Variants in GATB observed in about 807,000 individuals in gnomAD.
GATB encodes the protein glutamyl-tRNA(Gln) amidotransferase subunit B, mitochondrial.
Under a neutral mutation model 62.3 loss-of-function variants are expected in GATB, and 39 were observed. The observed-to-expected ratio is 0.63, with a 90% CI of 0.48 to 0.82. GATB has a LOEUF of 0.82. Ranked by LOEUF, GATB falls within the 40% of genes least tolerant of loss-of-function variation. GATB has a pLI of 0.00. For missense variants in GATB, 670 were observed against 684.0 expected (o/e 0.98, Z 0.23); for synonymous variants, 276 against 258.9 (o/e 1.07, Z -0.63).
Position 151,751,569 on chromosome 4 carries a change from A to G in GATB, c.327+7203T>C, listed in dbSNP as rs562442557. ...AGGTTACTTTTTTCTTGCTTTACCA[A>G]TTTAGAACATGACTTCCAATTATGG... On this transcript the variant is annotated intron_variant, in intron 2 of 12. Coordinates refer to ENST00000263985, the MANE Select transcript of GATB (RefSeq NM_004564.3). Among the ~76,000 whole-genome samples, 8 of 152,318 alleles carry G rather than the reference A, an allele frequency of 5.3e-5. No individual in the cohort carries two copies. The East Asian group carries it at 1.5e-3, about 29-fold the overall frequency.
intron 2 of GATB, chr4:151,720,214 A>G (rs1739000662): frequency 6.6e-6 from 1 of 152,214 alleles, no homozygotes; most frequent in Non-Finnish European, 1.5e-5. Flanking sequence ...TGACCAAGAA[A>G]TGGCTGGCAC....
chr4:151,697,965 A>ATATATATATGTG (rs1738515770), intron 9 of GATB, among the ~76,000 whole-genome samples: 3 of 109,018 alleles, frequency 2.8e-5, no homozygotes, highest in South Asian at 4.3e-4. Context: ...ATATATATAT[A>ATATATATATGTG]TATATATATA....
intron 9 of GATB, among the ~76,000 whole-genome samples, chr4:151,697,977 A>ATATATATATATATGTG (rs1738520112): frequency 7.6e-6 from 1 of 131,878 alleles, no homozygotes; most frequent in African/African-American, 3.2e-5. Context: ...ATATATATAT[A>ATATATATATATATGTG]TATATATATA....
At position 151,732,923 on chromosome 4, in the gene GATB, G is replaced by A. The variant is rs144016601; in HGVS notation, c.328-13385C>T. ...TTTGGACACACTTTTATAACTGAAT[G>A]ACAATAATGACACAACCTATCAAAA... On this transcript the variant is annotated intron_variant, in intron 2 of 12. Coordinates refer to ENST00000263985, the MANE Select transcript of GATB (RefSeq NM_004564.3). Among the ~76,000 whole-genome samples the A allele has an allele frequency of 4.4e-3, 661 of 151,924 alleles. 4 individuals are homozygous for A. The highest frequency in any genetic ancestry group is 0.01 in the Middle Eastern group (3 of 294).
In GATB at chr4:151,701,315, C is replaced by T. The variant is rs373396406; in HGVS notation, c.1197+14G>A. 1.1e-4 allele frequency: 171 copies of T among 1,493,440 alleles called. 1 individual carries two copies. The highest frequency in any genetic ancestry group is 3.7e-4 in the East Asian group (15 of 40,606). The allele number at this position is 1,493,440 out of a possible 1,614,324, so 92.5% of individuals were successfully genotyped here. A position where few individuals can be genotyped will look rare whatever the true frequency, so the allele number is the denominator to read the frequency against. On this transcript the variant is annotated intron_variant, in intron 9 of 12. Transcript: ENST00000263985. ...GCTGAGCCGGGATCCTCTTGGCATC[C>T]GATCGATACCTACCAGCAAAGTGAA...
intron 9 of GATB, among the ~76,000 whole-genome samples, chr4:151,699,655 G>A (rs535278997): frequency 4.9e-4 from 74 of 152,276 alleles, no homozygotes; most frequent in Admixed American, 1.2e-3. Flanking sequence ...ACGGCCGAGA[G>A]TGACAATCCT....
At chr4:151,701,136 G>A (rs968437557) in intron 9 of GATB, among the ~76,000 whole-genome samples, 193 bp downstream of exon 9, 1 of 152,176 alleles carries the variant, frequency 6.6e-6, no homozygotes, top group Non-Finnish European at 1.5e-5. Flanking sequence ...CTGGTTGTAT[G>A]AAGAGCATTT....
chr4:151,704,047 C>A, intron 7 of GATB, 152 bp from the exon 8 acceptor site: 4 of 531,608 alleles, frequency 7.5e-6, no homozygotes, highest in Non-Finnish European at 1.0e-5. Context: ...ATTCAAAAAA[C>A]AATCATAAAG....
At position 151,688,693 on chromosome 4, in the gene GATB, G is replaced by A; in HGVS notation, c.1268C>T (p.Thr423Ile). Residue 423 changes from threonine to isoleucine, a missense_variant, in exon 10 of 13, where the codon ACT becomes ATT. By Grantham distance (89) the Thr-to-Ile change is moderately conservative. Transcript: ENST00000263985. ...KETRAEPKKV[T>I]SWVLNTFLGY... ...CAGAAAAGTGTTGAGGACCCAACTA[G>A]TCACCTTTTTTGGCTCTGCCCTAGT... is the stretch of plus-strand genomic sequence containing the variant. The A allele has an allele frequency of 1.2e-6, 2 of 1,613,200 alleles. No homozygotes were observed. The highest frequency in any genetic ancestry group is 1.7e-6 in the Non-Finnish European group (2 of 1,179,764).
At chr4:151,737,679 G>A (rs886175551) in intron 2 of GATB, among the ~76,000 whole-genome samples, 3 of 152,194 alleles carry the variant, frequency 2.0e-5, no homozygotes, top group Non-Finnish European at 2.9e-5. Context: ...AAATGGTTTT[G>A]TGGATCAGGC....
chr4:151,693,680 T>C (rs1738414579), intron 9 of GATB, among the ~76,000 whole-genome samples: 1 of 152,178 alleles, frequency 6.6e-6, no homozygotes, highest in Non-Finnish European at 1.5e-5. Context: ...ACAATTTTTA[T>C]TCCTGGGTCA....
intron 2 of GATB, among the ~76,000 whole-genome samples, chr4:151,754,483 A>G (rs947157948): frequency 2.6e-5 from 4 of 152,100 alleles, no homozygotes; most frequent in Non-Finnish European, 5.9e-5. Context: ...ACCCATATCT[A>G]TCGTCTACCA....
intron 10 of GATB, among the ~76,000 whole-genome samples, chr4:151,681,233 C>T (rs763612404): frequency 6.6e-6 from 1 of 152,170 alleles, no homozygotes; most frequent in African/African-American, 2.4e-5. Flanking sequence ...TGCAGTGAAA[C>T]CCTATTGGGG....
At chr4:151,758,724 T>G (rs1021720151) in intron 2 of GATB, 48 bp downstream of exon 2, 2 of 1,383,758 alleles carry the variant, frequency 1.4e-6, no homozygotes, top group African/African-American at 2.9e-5. Context: ...ATGTTCAATA[T>G]AAAATAAACA....
intron 2 of GATB, 30 bp downstream of exon 2, chr4:151,758,742 A>T (rs747202002): frequency 6.8e-7 from 1 of 1,464,826 alleles, no homozygotes; most frequent in Admixed American, 2.3e-5. Context: ...ACATTTTTCT[A>T]ATGAAAATAG....
rs1165138774 is a variant in GATB at position 151,730,127 on chromosome 4, C to G, written c.328-10589G>C. ...ACTGGCCCTTTGGTTTGTGTGGGAG[C>G]TGGGTGAGGCCTGTGACTGCCAGCT... is the stretch of plus-strand genomic sequence containing the variant. On this transcript the variant is annotated intron_variant, in intron 2 of 12. Coordinates refer to ENST00000263985, the MANE Select transcript of GATB (RefSeq NM_004564.3). The surrounding 1 kb of genome is among the most constrained non-coding windows in gnomAD (Gnocchi z 4.1). Among the ~76,000 whole-genome samples, 1 of 152,112 alleles carries G rather than the reference C, an allele frequency of 6.6e-6. No individual in the cohort carries two copies. Among genetic ancestry groups the G allele is most frequent in the African/African-American group, 2.4e-5 (1 of 41,420 alleles).
Position 151,701,496 on chromosome 4 carries a change from G to A in GATB, c.1030C>T (p.Pro344Ser). The A allele has an allele frequency of 6.4e-7, 1 of 1,572,224 alleles. No individual in the cohort carries two copies. ...GTGGCGTCGTAGAGCACCAGGGGAG[G>A]CAGGTTGGGTTCTGGCATGAACCTG... ...DYRFMPEPNLPPLVLYDATSL... is the reference protein window; with the variant it reads ...DYRFMPEPNLSPLVLYDATSL... The change falls in exon 9 of 13, where the codon CCT becomes TCT. Residue 344 changes from proline (P) to serine (S), a missense_variant. Pro to Ser is a moderately conservative substitution (Grantham distance 74, BLOSUM62 -1). Coordinates refer to ENST00000263985, the MANE Select transcript of GATB (RefSeq NM_004564.3).
chr4:151,671,462 C>T (rs1381126398), intron 12 of GATB, among the ~76,000 whole-genome samples, 160 bp from the exon 13 acceptor site: 1 of 152,164 alleles, frequency 6.6e-6, no homozygotes, highest in Admixed American at 6.5e-5. Flanking sequence ...GGCCTCACTT[C>T]TGAGTAGGTT....
At chr4:151,690,465 T>C (rs115062709) in intron 9 of GATB, among the ~76,000 whole-genome samples, 1,931 of 152,366 alleles carry the variant, frequency 0.013, 40 homozygotes, top group African/African-American at 0.044. Flanking sequence ...TTCAAACTTC[T>C]ACAATAGTAC....
Sources: gnomAD v4.1 joint callset for allele counts (sites outside exome capture counted in the v4.1 genomes callset) on GRCh38, gnomAD v4.1.1 for gene constraint, Gnocchi (gnomAD v3.1) non-coding constraint, MANE v1.5 for transcripts, NCBI Gene and HGNC (gene_info 2026-07-23, HGNC 2026-07-21) for gene names.